The following ECM2 variants were observed in gnomAD, a reference collection of about 807,000 sequenced individuals.
ECM2 encodes extracellular matrix protein 2, female organ and adipocyte specific.
A neutral mutation model predicts 67.5 loss-of-function variants in ECM2; 57 were observed. The observed-to-expected ratio is 0.84, with a 90% CI of 0.68 to 1.05. The LOEUF is 1.05. Among genes scored for constraint, ECM2 ranks in the 50% least tolerant of loss-of-function variants. ECM2 has a pLI of 0.00. For synonymous variants in ECM2, 258 were observed against 294.5 expected, an observed-to-expected ratio of 0.88 and a Z score of 1.27; for missense variants, 741 against 822.8, an observed-to-expected ratio of 0.90 and a Z score of 1.22.
At position 92,495,763 on chromosome 9, in the gene ECM2, C is replaced by T. The variant is rs192990935; in HGVS notation, c.*552G>A. 8 of 941,830 alleles carry T rather than the reference C, an allele frequency of 8.5e-6. No individual in the cohort carries two copies. In the East Asian group the frequency reaches 9.3e-4, roughly 109 times the overall value. The allele number at this position is 941,830 out of a possible 1,614,324, so 58.3% of individuals were successfully genotyped here. A position where few individuals can be genotyped will look rare whatever the true frequency, so the allele number is the denominator to read the frequency against. ...ACATTACAGTAGTGTTTTAATTTTA[C>T]ACATGTAATTAATGGAAGAAATGAA... On this transcript the variant is annotated 3_prime_UTR_variant, in exon 10 of 10. Coordinates refer to ENST00000344604, the MANE Select transcript of ECM2 (RefSeq NM_001393.4).
intron 9 of ECM2, among the ~76,000 whole-genome samples, chr9:92,499,819 G>A (rs952361750): frequency 5.3e-5 from 8 of 152,160 alleles, no homozygotes; most frequent in African/African-American, 1.9e-4. Context: ...CTCAGGGACA[G>A]AACAACAAGG....
intron 1 of ECM2, among the ~76,000 whole-genome samples, chr9:92,523,397 G>A (rs1480848040): frequency 1.3e-5 from 2 of 152,164 alleles, no homozygotes; most frequent in African/African-American, 4.8e-5. Flanking sequence ...AGCAGCCATA[G>A]ACAATATGTT....
Position 92,515,114 on chromosome 9 carries a change from G to A in ECM2, c.571C>T (p.Leu191Phe). Reference sequence around the variant, plus strand: ...TGAGGAGGTGGCAGTTGCTTATGAAGTAAATTGGTAGGTTCTCTTTGTTCT... The same window carrying A: ...TGAGGAGGTGGCAGTTGCTTATGAAATAAATTGGTAGGTTCTCTTTGTTCT... ...SSEQREPTNL[L>F]HKQLPPPQVG... Residue 191 changes from leucine (L) to phenylalanine (F), a missense_variant, in exon 4 of 10, where the codon CTT becomes TTT. Physicochemically the swap from Leu to Phe is conservative, Grantham distance 22 (BLOSUM62 0). Transcript: ENST00000344604. 6.2e-7 allele frequency: 1 copy of A among 1,613,828 alleles called. No homozygotes were observed. Among genetic ancestry groups the A allele is most frequent in the Non-Finnish European group, 8.5e-7 (1 of 1,179,984 alleles).
At chr9:92,498,482 A>G (rs1376148872) in intron 9 of ECM2, among the ~76,000 whole-genome samples, 3 of 152,074 alleles carry the variant, frequency 2.0e-5, no homozygotes, top group African/African-American at 7.2e-5. Flanking sequence ...AGACAATCAT[A>G]GAAGTAAGAC....
the ECM2 span, among the ~76,000 whole-genome samples, chr9:92,549,929 C>T: frequency 2.0e-5 from 3 of 152,156 alleles, no homozygotes; most frequent in African/African-American, 7.2e-5. Context: ...GGTTCTGGGT[C>T]TGGTTCTTCC....
chr9:92,546,508 A>G, the ECM2 span, among the ~76,000 whole-genome samples: 1 of 151,954 alleles, frequency 6.6e-6, no homozygotes, highest in Non-Finnish European at 1.5e-5. Context: ...GAACAACTCC[A>G]GACGCACCGC....
At chr9:92,556,888 CT>C in the ECM2 span, among the ~76,000 whole-genome samples, 1 of 151,864 alleles carries the variant, frequency 6.6e-6, no homozygotes, top group Non-Finnish European at 1.5e-5. Flanking sequence ...TTGTTTTTTG[CT>C]TTTGCTTTTT....
At chr9:92,553,389 G>T in the ECM2 span, among the ~76,000 whole-genome samples, 3 of 152,100 alleles carry the variant, frequency 2.0e-5, no homozygotes, top group Non-Finnish European at 2.9e-5. Context: ...GGCTATGCGG[G>T]CTCTTTTTTG....
intron 6 of ECM2, among the ~76,000 whole-genome samples, chr9:92,508,876 G>A (rs1847167957): frequency 6.6e-6 from 1 of 151,918 alleles, no homozygotes; most frequent in Admixed American, 6.6e-5. Flanking sequence ...AACATAATAT[G>A]TTTCAAAGCA....
In ECM2 at chr9:92,495,451, T is replaced by C; in HGVS notation, c.*864A>G. On this transcript the variant is annotated 3_prime_UTR_variant, in exon 10 of 10. Coordinates refer to ENST00000344604, the MANE Select transcript of ECM2 (RefSeq NM_001393.4). ...AGGAGATAGATGCTATGACCAGTGG[T>C]GCAAAATTTTTCAAAAATTTATACA... The C allele has an allele frequency of 5.1e-6, 5 of 985,240 alleles. No homozygotes were observed. Among genetic ancestry groups the C allele is most frequent in the Non-Finnish European group, 6.0e-6 (5 of 829,758 alleles). The allele number at this position is 985,240 out of a possible 1,614,324, so 61.0% of individuals were successfully genotyped here.
chr9:92,514,648 G>A lies in ECM2; in HGVS notation c.1037C>T (p.Thr346Ile). 6.3e-7 allele frequency: 1 copy of A among 1,586,300 alleles called. No homozygotes were observed. The highest frequency in any genetic ancestry group is 2.3e-5 in the East Asian group (1 of 44,392). ...TCTCTTACCAGTGAGCTCCAGACTTGTTATCTGTGGTGCTGTCAGCGGTGG... is the reference window on the plus strand; with the variant it reads ...TCTCTTACCAGTGAGCTCCAGACTTATTATCTGTGGTGCTGTCAGCGGTGG... ...QIPPLTAPQI[T>I]SLELTGNSIA... is the part of the protein sequence containing the mutation. Residue 346 changes from threonine to isoleucine, a missense_variant, in exon 4 of 10, where the codon ACA (threonine) becomes ATA (isoleucine). Transcript: ENST00000344604.
downstream of ECM2, among the ~76,000 whole-genome samples, chr9:92,494,855 C>A (rs528320923): frequency 6.6e-6 from 1 of 151,972 alleles, no homozygotes; most frequent in Admixed American, 6.6e-5. Context: ...TGCAGTGAGC[C>A]GAGATTGCAC....
At chr9:92,556,985 AT>A in the ECM2 span, among the ~76,000 whole-genome samples, 1 of 152,176 alleles carries the variant, frequency 6.6e-6, no homozygotes, top group Middle Eastern at 3.2e-3. Context: ...TTGTTTCAAG[AT>A]TTAGAGTTTC....
In ECM2 at chr9:92,495,714, A is replaced by G; in HGVS notation, c.*601T>C. On this transcript the variant is annotated 3_prime_UTR_variant, in exon 10 of 10. Coordinates refer to ENST00000344604, the MANE Select transcript of ECM2 (RefSeq NM_001393.4). ...TGTTAACAATGTACATAACCATAAT[A>G]TGATTTTCAAAACCAGGAAATTAAC... 1.1e-6 allele frequency: 1 copy of G among 908,462 alleles called. No homozygotes were observed. 56.3% of individuals were successfully genotyped at this position (908,462 alleles called of 1,614,324 possible).
At chr9:92,531,914 C>T (rs192504308) in intron 1 of ECM2, among the ~76,000 whole-genome samples, 2 of 151,450 alleles carry the variant, frequency 1.3e-5, no homozygotes, top group Admixed American at 6.6e-5. Context: ...TGTGAAGATA[C>T]GGTTGATTTT....
At chr9:92,527,122 C>T (rs2131264333) in intron 1 of ECM2, among the ~76,000 whole-genome samples, 1 of 152,302 alleles carries the variant, frequency 6.6e-6, no homozygotes, top group Non-Finnish European at 1.5e-5. Flanking sequence ...CAATCTCACA[C>T]CTCAGCCTCC....
At chr9:92,537,152 A>G (rs1849200793), upstream of ECM2, among the ~76,000 whole-genome samples, 1 of 151,850 alleles carries the variant, frequency 6.6e-6, no homozygotes, top group African/African-American at 2.4e-5. Flanking sequence ...CTGGGATTAC[A>G]GGCATGAGCC....
At chr9:92,547,581 G>T in the ECM2 span, among the ~76,000 whole-genome samples, 2 of 152,204 alleles carry the variant, frequency 1.3e-5, no homozygotes, top group Non-Finnish European at 2.9e-5. Flanking sequence ...CATATTGAAT[G>T]ATTTCATTCG....
At chr9:92,524,908 T>C (rs1848300189) in intron 1 of ECM2, among the ~76,000 whole-genome samples, 1 of 152,146 alleles carries the variant, frequency 6.6e-6, no homozygotes, top group African/African-American at 2.4e-5. Context: ...ACATTCAAGG[T>C]GATGTTACAT....
Sources: gnomAD v4.1 joint callset for allele counts (sites outside exome capture counted in the v4.1 genomes callset) on GRCh38, gnomAD v4.1.1 for gene constraint, MANE v1.5 for transcripts, NCBI Gene and HGNC (gene_info 2026-07-23, HGNC 2026-07-21) for gene names.